Variants in ZEB1 observed in about 807,000 individuals in gnomAD.
The protein encoded by ZEB1 is zinc finger E-box-binding homeobox 1.
ZEB1 carries 21 observed loss-of-function variants against 84.9 expected under a neutral mutation model. The ratio of observed to expected loss-of-function variants is 0.25; its 90% CI spans 0.18 to 0.36. The LOEUF is 0.36. Ranked by LOEUF, ZEB1 falls within the 10% of genes least tolerant of loss-of-function variation. The probability of loss-of-function intolerance (pLI) is 1.00; values close to 1 mark genes in which losing one functional copy is unlikely to be tolerated. For synonymous variants in ZEB1, 420 were observed against 471.1 expected (o/e 0.89, Z 1.41); for missense variants, 1,104 against 1,330.2 (o/e 0.83, Z 2.65).
intron 5 of ZEB1, 151 bp downstream of exon 5, chr10:31,511,026 A>G: frequency 1.3e-6 from 1 of 797,296 alleles, no homozygotes; most frequent in Non-Finnish European, 2.1e-6. Context: ...ATGATTATTT[A>G]TTTGAGTTAT....
chr10:31,398,740 G>A (rs182891336), intron 1 of ZEB1, among the ~76,000 whole-genome samples: 1 of 152,150 alleles, frequency 6.6e-6, no homozygotes, highest in Non-Finnish European at 1.5e-5. Flanking sequence ...TGGCAACGGT[G>A]TTTAACACTC....
intron 1 of ZEB1, among the ~76,000 whole-genome samples, chr10:31,450,503 A>C (rs1430112051): frequency 6.6e-6 from 1 of 152,090 alleles, no homozygotes; most frequent in Non-Finnish European, 1.5e-5. Context: ...ATTTTCTATA[A>C]ATGTTATTCT....
At chr10:31,322,290 G>A (rs1205104476) in intron 1 of ZEB1, among the ~76,000 whole-genome samples, 1 of 152,314 alleles carries the variant, frequency 6.6e-6, no homozygotes, top group Admixed American at 6.5e-5. Context: ...TCATATTTAA[G>A]TTGCAGATGT....
At chr10:31,350,032 A>C (rs2041047292) in intron 1 of ZEB1, among the ~76,000 whole-genome samples, 1 of 152,074 alleles carries the variant, frequency 6.6e-6, no homozygotes. Flanking sequence ...GTTTTCTTGT[A>C]GGAGTTTTAT....
intron 1 of ZEB1, among the ~76,000 whole-genome samples, chr10:31,446,820 G>T (rs1591369974): frequency 1.3e-5 from 2 of 150,912 alleles, no homozygotes; most frequent in South Asian, 2.1e-4. Flanking sequence ...GCTGAGGAGA[G>T]CTTTACTTCC....
chr10:31,324,848 A>G (rs1435276223), intron 1 of ZEB1, among the ~76,000 whole-genome samples: 1 of 152,066 alleles, frequency 6.6e-6, no homozygotes, highest in Non-Finnish European at 1.5e-5. Context: ...TCAACTAGAT[A>G]TGAACTAAAA....
At chr10:31,508,757 TC>T (rs2069429359) in intron 4 of ZEB1, among the ~76,000 whole-genome samples, 1 of 151,310 alleles carries the variant, frequency 6.6e-6, no homozygotes, top group South Asian at 2.1e-4. Flanking sequence ...ACTGTGGCCT[TC>T]TTACTGGGGA....
At chr10:31,469,365 T>C (rs220047) in intron 2 of ZEB1, among the ~76,000 whole-genome samples, 33,671 of 150,318 alleles carry the variant, frequency 0.22, 8,705 homozygotes, top group African/African-American at 0.64. Context: ...GCACCATGCG[T>C]GAGCCGAAGC....
Position 31,527,497 on chromosome 10 carries a change from C to A in ZEB1, c.*233C>A. 1.8e-6 allele frequency: 1 copy of A among 555,572 alleles called. No individual in the cohort carries two copies. The highest frequency in any genetic ancestry group is 3.1e-6 in the Non-Finnish European group (1 of 326,260). The allele number at this position is 555,572 out of a possible 1,614,324, so 34.4% of individuals were successfully genotyped here. On this transcript the variant is annotated 3_prime_UTR_variant, in exon 9 of 9. Coordinates refer to ENST00000424869, the MANE Select transcript of ZEB1 (RefSeq NM_001174096.2). ...CTGAACCTCAGACCTAGTAATTTTT[C>A]ATGCAGTTTTCAAAGTTAGGAACAA...
At chr10:31,437,455 ATTGT>A (rs957661707) in intron 1 of ZEB1, among the ~76,000 whole-genome samples, 12 of 152,342 alleles carry the variant, frequency 7.9e-5, no homozygotes, top group African/African-American at 2.9e-4. Context: ...TTACCTATAA[ATTGT>A]TTGTTTTTAA....
Position 31,514,492 on chromosome 10 carries a change from C to T in ZEB1, c.688-111C>T, listed in dbSNP as rs751548760. On this transcript the variant is annotated intron_variant, in intron 5 of 8. Coordinates refer to ENST00000424869, the MANE Select transcript of ZEB1 (RefSeq NM_001174096.2). ...GCTGCAATTTGAGGTCTTTAAGAAACAAAACAAAACAACCATCAGGCTCAC... is the reference window on the plus strand; with the variant it reads ...GCTGCAATTTGAGGTCTTTAAGAAATAAAACAAAACAACCATCAGGCTCAC... 9 of 948,870 alleles carry T rather than the reference C, an allele frequency of 9.5e-6. No individual in the cohort carries two copies. In the Middle Eastern group the frequency reaches 1.8e-3, roughly 185 times the overall value. 58.8% of individuals were successfully genotyped at this position (948,870 alleles called of 1,614,324 possible). A position where few individuals can be genotyped will look rare whatever the true frequency, so the allele number is the denominator to read the frequency against.
chr10:31,477,053 C>G (rs1336567627), intron 2 of ZEB1, among the ~76,000 whole-genome samples: 1 of 151,950 alleles, frequency 6.6e-6, no homozygotes, highest in African/African-American at 2.4e-5. Context: ...ACTGGAAGTC[C>G]TAGACAGAAC....
intron 1 of ZEB1, among the ~76,000 whole-genome samples, chr10:31,447,637 TTG>T (rs1318973862): frequency 4.1e-5 from 6 of 145,318 alleles, no homozygotes; most frequent in African/African-American, 1.3e-4. Context: ...CAGCATTTGC[TTG>T]TGTGTAAAGG....
At chr10:31,385,377 TATAA>T (rs760690281) in intron 1 of ZEB1, among the ~76,000 whole-genome samples, 22 of 152,230 alleles carry the variant, frequency 1.4e-4, no homozygotes, top group Non-Finnish European at 2.6e-4. Flanking sequence ...TCAAGTACTT[TATAA>T]ATAGTTGTTT....
At chr10:31,449,734 G>A (rs577233815) in intron 1 of ZEB1, among the ~76,000 whole-genome samples, 131 of 151,934 alleles carry the variant, frequency 8.6e-4, no homozygotes, top group Non-Finnish European at 1.2e-3. Context: ...TCTAGTTTAT[G>A]TTCTCCTACC....
chr10:31,522,859 C>T (rs1352699434), intron 7 of ZEB1, among the ~76,000 whole-genome samples: 2 of 152,106 alleles, frequency 1.3e-5, no homozygotes, highest in Non-Finnish European at 2.9e-5. Flanking sequence ...GATTGGGTTT[C>T]CTGTAATTGT....
chr10:31,437,260 G>GTA (rs1308696059), intron 1 of ZEB1, among the ~76,000 whole-genome samples: 4 of 152,034 alleles, frequency 2.6e-5, no homozygotes, highest in African/African-American at 9.7e-5. Flanking sequence ...AATACTTCAT[G>GTA]TATATTACTC....
chr10:31,416,599 T>C (rs759073916), intron 1 of ZEB1, among the ~76,000 whole-genome samples: 9 of 152,108 alleles, frequency 5.9e-5, no homozygotes, highest in Non-Finnish European at 1.0e-4. Context: ...CTATTAGATA[T>C]TGAAGCAAAA....
intron 1 of ZEB1, among the ~76,000 whole-genome samples, chr10:31,325,204 AAAC>A (rs1473179188): frequency 6.6e-6 from 1 of 152,070 alleles, no homozygotes; most frequent in Non-Finnish European, 1.5e-5. Flanking sequence ...TTTTCAGAGA[AAAC>A]AACTTAATTT....
Sources: allele counts gnomAD v4.1 joint callset (sites outside exome capture counted in the v4.1 genomes callset), GRCh38; gene constraint gnomAD v4.1.1; transcripts MANE v1.5; gene names NCBI Gene and HGNC (gene_info 2026-07-23, HGNC 2026-07-21).